The following TRHDE variants were observed in gnomAD, a reference collection of about 807,000 sequenced individuals.
The protein encoded by TRHDE is thyrotropin-releasing hormone-degrading ectoenzyme.
A neutral mutation model predicts 125.7 loss-of-function variants in TRHDE; 72 were observed. The observed-to-expected ratio is 0.57, with a 90% confidence interval of 0.47 to 0.70. TRHDE has a LOEUF of 0.70. Ranked by LOEUF, TRHDE falls within the 30% of genes least tolerant of loss-of-function variation. The pLI, the probability that TRHDE is intolerant of heterozygous loss-of-function variation, is 0.00. For missense variants in TRHDE, 1,110 were observed against 1,327.1 expected (o/e 0.84, Z 2.54); for synonymous variants, 509 against 509.1 (o/e 1.00, Z 0.00).
intron 15 of TRHDE, among the ~76,000 whole-genome samples, chr12:72,644,909 C>T (rs534206239): frequency 6.6e-6 from 1 of 152,264 alleles, no homozygotes; most frequent in South Asian, 2.1e-4. Context: ...TTCTCCCCAG[C>T]TCAGCACAGA....
chr12:72,629,257 A>G (rs1420490066), intron 15 of TRHDE, among the ~76,000 whole-genome samples: 1 of 151,784 alleles, frequency 6.6e-6, no homozygotes, highest in African/African-American at 2.4e-5. Flanking sequence ...TTATATTACT[A>G]GCCATGCATA....
At chr12:72,418,258 G>A (rs1319728192) in intron 3 of TRHDE, among the ~76,000 whole-genome samples, 1 of 151,964 alleles carries the variant, frequency 6.6e-6, no homozygotes, top group African/African-American at 2.4e-5. Flanking sequence ...GTGGCAGAAT[G>A]TAAGGTAAAT....
chr12:72,320,014 A>T (rs1314670676), intron 2 of TRHDE, among the ~76,000 whole-genome samples: 1 of 152,136 alleles, frequency 6.6e-6, no homozygotes, highest in African/African-American at 2.4e-5. Context: ...GGCTTAAAAA[A>T]TTATTTATTT....
intron 2 of TRHDE, among the ~76,000 whole-genome samples, chr12:72,305,272 T>G (rs1386467443): frequency 1.3e-5 from 2 of 152,172 alleles, no homozygotes; most frequent in Non-Finnish European, 2.9e-5. Flanking sequence ...ATAATAAATG[T>G]TATTCCATAA....
chr12:72,597,828 A>C (rs1031586201), intron 12 of TRHDE, among the ~76,000 whole-genome samples: 3 of 144,584 alleles, frequency 2.1e-5, no homozygotes, highest in Non-Finnish European at 4.5e-5. Flanking sequence ...CTTTTTTATA[A>C]TTTTTAAAAT....
At chr12:72,427,672 G>C (rs1874248976) in intron 3 of TRHDE, among the ~76,000 whole-genome samples, 1 of 152,040 alleles carries the variant, frequency 6.6e-6, no homozygotes, top group Non-Finnish European at 1.5e-5. Flanking sequence ...GCACCAAAAG[G>C]GTGGCTTTAA....
intron 2 of TRHDE, among the ~76,000 whole-genome samples, chr12:72,320,076 C>T (rs956825161): frequency 2.0e-5 from 3 of 151,590 alleles, no homozygotes; most frequent in African/African-American, 7.3e-5. Context: ...TTTTATCTAC[C>T]CTACTTTTAT....
At chr12:72,380,817 T>TCCTC (rs1170923220) in intron 3 of TRHDE, among the ~76,000 whole-genome samples, 1 of 131,452 alleles carries the variant, frequency 7.6e-6, no homozygotes, top group Non-Finnish European at 1.6e-5. Flanking sequence ...CTTCCTTCCT[T>TCCTC]ATTCCCTCCC....
At chr12:72,185,365 G>A (rs1403525003) in intron 2 of TRHDE, among the ~76,000 whole-genome samples, 4 of 152,218 alleles carry the variant, frequency 2.6e-5, no homozygotes, top group African/African-American at 9.6e-5. Context: ...TAGCCTCCCC[G>A]ACGAGCACCA....
At chr12:72,248,121 T>G (rs1438269415) in intron 2 of TRHDE, among the ~76,000 whole-genome samples, 1 of 152,184 alleles carries the variant, frequency 6.6e-6, no homozygotes, top group Non-Finnish European at 1.5e-5. Context: ...TATTTAAATT[T>G]AATAGTGAAG....
chr12:72,482,235 T>C (rs1207780916), intron 5 of TRHDE, among the ~76,000 whole-genome samples: 2 of 138,892 alleles, frequency 1.4e-5, no homozygotes, highest in Admixed American at 7.3e-5. Flanking sequence ...AGTTAGTAGA[T>C]GTGGATAAAT....
At chr12:72,175,259 T>C (rs1195318001) in intron 2 of TRHDE, among the ~76,000 whole-genome samples, 1 of 152,236 alleles carries the variant, frequency 6.6e-6, no homozygotes, top group South Asian at 2.1e-4. Flanking sequence ...TTCGTTCTTC[T>C]GTGACTGACT....
chr12:72,562,712 T>C, intron 8 of TRHDE, 141 bp from the exon 9 acceptor site: 1 of 520,066 alleles, frequency 1.9e-6, no homozygotes, highest in Non-Finnish European at 3.3e-6. Context: ...TTAATTTCAC[T>C]AACACATTAT....
intron 3 of TRHDE, among the ~76,000 whole-genome samples, chr12:72,452,372 A>C (rs1875621305): frequency 6.6e-6 from 1 of 151,934 alleles, no homozygotes; most frequent in Non-Finnish European, 1.5e-5. Context: ...AATATGTAAG[A>C]TTGTGTCATT....
intron 2 of TRHDE, among the ~76,000 whole-genome samples, chr12:72,183,531 G>T (rs1234614543): frequency 1.3e-5 from 2 of 152,108 alleles, no homozygotes. Flanking sequence ...CAGACAAAAA[G>T]ATCATGATAT....
Position 72,499,507 on chromosome 12 carries a change from A to G in TRHDE, c.1594A>G (p.Arg532Gly). Residue 532 changes from arginine to glycine, a missense_variant, in exon 6 of 19, where the codon AGG becomes GGG. Physicochemically the swap from Arg to Gly is moderately radical, Grantham distance 125. Around this residue, in one of 5 missense-constraint regions of TRHDE, gnomAD observed 527 missense variants for 651.8 expected, o/e 0.81. Transcript: ENST00000261180. ...GTCTGCTGTATTGCAGGAAAAGCAG[A>G]GGTTTCTGACCGATGTTCTGCATGA... The part of the protein sequence containing the change: ...LYPGWNMEKQ[R>G]FLTDVLHEVM... 6.2e-7 allele frequency: 1 copy of G among 1,613,590 alleles called. No homozygotes were observed. Among genetic ancestry groups the G allele is most frequent in the Non-Finnish European group, 8.5e-7 (1 of 1,179,742 alleles).
intron 2 of TRHDE, chr12:72,147,967 C>T (rs751482520): frequency 2.6e-5 from 4 of 152,216 alleles, no homozygotes; most frequent in Non-Finnish European, 5.9e-5. Flanking sequence ...GGTATAGTGA[C>T]TTATCTTAAA....
rs975258517 is a variant in TRHDE at position 72,619,975 on chromosome 12, AT to A, written c.2469+945del. ...CCTACAGAAAATAAACTGTTTAATG[AT>A]TTTTTTTAAAAAATGGGAATAATTA... On this transcript the variant is annotated intron_variant, in intron 13 of 18. Coordinates refer to ENST00000261180, the MANE Select transcript of TRHDE (RefSeq NM_013381.3). Among the ~76,000 whole-genome samples, 6 of 148,158 alleles carry A rather than the reference AT, an allele frequency of 4.0e-5. No homozygotes were observed. In the East Asian group the frequency reaches 7.7e-4, roughly 19 times the overall value.
chr12:72,114,809 A>G (rs1875404513), intron 2 of TRHDE, among the ~76,000 whole-genome samples: 1 of 152,096 alleles, frequency 6.6e-6, no homozygotes, highest in African/African-American at 2.4e-5. Flanking sequence ...AGAGGCTAAA[A>G]TGTTTGTTTC....
Sources: allele counts gnomAD v4.1 joint callset (sites outside exome capture counted in the v4.1 genomes callset), GRCh38; gene constraint gnomAD v4.1.1; regional missense constraint gnomAD v4.1.1; transcripts MANE v1.5; gene names NCBI Gene and HGNC (gene_info 2026-07-23, HGNC 2026-07-21).